The following GNA15 variants were observed in gnomAD, a reference collection of about 807,000 sequenced individuals.
GNA15 encodes the protein G protein subunit alpha 15.
GNA15 carries 23 observed loss-of-function variants against 40.1 expected under a neutral mutation model. That is an observed-to-expected ratio of 0.57 (90% CI 0.41 to 0.81). GNA15 has a LOEUF of 0.81. GNA15 is among the 40% of genes least tolerant of loss of function. The pLI, the probability that GNA15 is intolerant of heterozygous loss-of-function variation, is 0.00. For synonymous variants in GNA15, 226 were observed against 210.4 expected, an observed-to-expected ratio of 1.07 and a Z score of -0.64; for missense variants, 522 against 515.8, an observed-to-expected ratio of 1.01 and a Z score of -0.12.
chr19:3,144,742 A>G (rs566005424), intron 1 of GNA15, among the ~76,000 whole-genome samples: 1 of 150,482 alleles, frequency 6.6e-6, no homozygotes, highest in South Asian at 2.1e-4. Context: ...GTTAGCCAGG[A>G]TGGTCTCGAT....
At chr19:3,162,615 T>C (rs1915164041) in intron 6 of GNA15, among the ~76,000 whole-genome samples, 178 bp from the exon 7 acceptor site, 2 of 152,094 alleles carry the variant, frequency 1.3e-5, no homozygotes. Flanking sequence ...GTGTTCCCAT[T>C]GGCTGGGCCG....
intron 6 of GNA15, among the ~76,000 whole-genome samples, chr19:3,160,790 C>T (rs115064696): frequency 0.014 from 2,084 of 152,190 alleles, 56 homozygotes; most frequent in African/African-American, 0.047. Flanking sequence ...CTGGTGGTGG[C>T]CTACAATCCT....
chr19:3,148,511 G>C (rs1194707483), intron 1 of GNA15, 80 bp from the exon 2 acceptor site: 1 of 1,378,134 alleles, frequency 7.3e-7, no homozygotes, highest in Non-Finnish European at 9.8e-7. Context: ...CGTGGAGTTG[G>C]GGGTGTCTGA....
Position 3,150,219 on chromosome 19 carries a change from G to T in GNA15, c.419G>T (p.Arg140Met). The T allele has an allele frequency of 6.2e-7, 1 of 1,611,630 alleles. No individual in the cohort carries two copies. The change falls in exon 3 of 7, where the codon AGG (arginine) becomes ATG (methionine). Residue 140 changes from arginine to methionine, a missense_variant. Physicochemically the swap from Arg to Met is moderately conservative, Grantham distance 91 (BLOSUM62 -1). Coordinates refer to ENST00000262958, the MANE Select transcript of GNA15 (RefSeq NM_002068.4). Reference sequence around the variant, plus strand: ...GCTGCGGCCATGCAGTGGCTGTGGAGGGATGCCGGCATCCGGGCCTGCTAT... The same window carrying T: ...GCTGCGGCCATGCAGTGGCTGTGGATGGATGCCGGCATCCGGGCCTGCTAT... ...RYAAAMQWLW[R>M]DAGIRACYER...
chr19:3,143,021 C>G (rs1017647658), intron 1 of GNA15: 4 of 152,194 alleles, frequency 2.6e-5, no homozygotes, highest in Non-Finnish European at 5.9e-5. Context: ...CTCCCAGACT[C>G]TGTAAAAACA....
intron 5 of GNA15, among the ~76,000 whole-genome samples, chr19:3,157,264 G>A (rs941510715): frequency 6.6e-6 from 1 of 152,190 alleles, no homozygotes; most frequent in South Asian, 2.1e-4. Flanking sequence ...CTCCCAAAGT[G>A]CTAGGATTAC....
At chr19:3,138,036 G>C (rs1914492664) in intron 1 of GNA15, among the ~76,000 whole-genome samples, 1 of 152,102 alleles carries the variant, frequency 6.6e-6, no homozygotes, top group Non-Finnish European at 1.5e-5. Context: ...CGCCAAGGCG[G>C]GCAGATCACT....
At chr19:3,159,182 G>C (rs563715844) in intron 6 of GNA15, among the ~76,000 whole-genome samples, 1 of 146,916 alleles carries the variant, frequency 6.8e-6, no homozygotes, top group Non-Finnish European at 1.5e-5. Context: ...CCGCCAGAAC[G>C]TCTGGCTAGT....
At chr19:3,143,002 C>G (rs1914613287) in intron 1 of GNA15, 1 of 152,204 alleles carries the variant, frequency 6.6e-6, no homozygotes, top group Admixed American at 6.5e-5. Context: ...CCCCAAGGAG[C>G]TGTCGAGCCT....
At chr19:3,139,598 C>A (rs1186458057) in intron 1 of GNA15, among the ~76,000 whole-genome samples, 71 of 105,330 alleles carry the variant, frequency 6.7e-4, no homozygotes, top group East Asian at 1.3e-3. Flanking sequence ...GACTCTGTCT[C>A]AAAAAAAAAA....
chr19:3,136,661 G>C lies in GNA15; in HGVS notation c.145+66G>C, dbSNP rs751170883. ...GCGGTGGCCAGCCGGCAGGGGTGTCGGGGCAAGGAGGCGGATCAGGCTAGG... is the reference window on the plus strand; with the variant it reads ...GCGGTGGCCAGCCGGCAGGGGTGTCCGGGCAAGGAGGCGGATCAGGCTAGG... On this transcript the variant is annotated intron_variant, in intron 1 of 6. Transcript: ENST00000262958. This position sits in a 1 kb window ranked among gnomAD's most constrained non-coding sequence, Gnocchi z 4.9. The C allele has an allele frequency of 7.0e-7, 1 of 1,424,222 alleles. No individual in the cohort carries two copies. The highest frequency in any genetic ancestry group is 2.5e-5 in the East Asian group (1 of 39,516). 88.2% of individuals were successfully genotyped at this position (1,424,222 alleles called of 1,614,324 possible). A position where few individuals can be genotyped will look rare whatever the true frequency, so the allele number is the denominator to read the frequency against.
At chr19:3,150,697 G>A (rs185219499) in intron 3 of GNA15, among the ~76,000 whole-genome samples, 18 of 152,142 alleles carry the variant, frequency 1.2e-4, no homozygotes, top group African/African-American at 3.1e-4. Context: ...CTGTTCCTGC[G>A]AGGACCCTGT....
intron 5 of GNA15, among the ~76,000 whole-genome samples, chr19:3,157,294 C>T (rs1051089133): frequency 2.0e-5 from 3 of 152,210 alleles, no homozygotes; most frequent in African/African-American, 7.2e-5. Flanking sequence ...CTGCCGCGCC[C>T]GGCCAGGTCT....
intron 2 of GNA15, 87 bp from the exon 3 acceptor site, chr19:3,150,044 G>C (rs1475994613): frequency 7.0e-6 from 8 of 1,145,982 alleles, no homozygotes; most frequent in South Asian, 1.4e-5. Flanking sequence ...GTGTTTCAGG[G>C]AGGGACGTGG....
At chr19:3,143,760 C>A (rs113482633) in intron 1 of GNA15, among the ~76,000 whole-genome samples, 1 of 152,026 alleles carries the variant, frequency 6.6e-6, no homozygotes. Flanking sequence ...AGGAATTGTG[C>A]GACCCACAGC....
rs1444635971 is a variant in GNA15 at position 3,151,421 on chromosome 19, C to T, written c.486-286C>T. ...TACCAGCATTCTTGGGGTAGCGCCA[C>T]CCCTGCCATAGCAGCTCTCCCGGGG... On this transcript the variant is annotated intron_variant, in intron 3 of 6. Transcript: ENST00000262958. The surrounding 1 kb of genome is among the most constrained non-coding windows in gnomAD (Gnocchi z 5.0). Among the ~76,000 whole-genome samples the T allele has an allele frequency of 6.6e-6, 1 of 152,100 alleles. No homozygotes were observed. The highest frequency in any genetic ancestry group is 1.5e-5 in the Non-Finnish European group (1 of 67,994).
At chr19:3,162,285 C>T (rs1213010933) in intron 6 of GNA15, among the ~76,000 whole-genome samples, 1 of 151,486 alleles carries the variant, frequency 6.6e-6, no homozygotes, top group Non-Finnish European at 1.5e-5. Context: ...ACTAAAAATA[C>T]AAAAATTACC....
In GNA15 at chr19:3,148,775, G is replaced by T. The variant is rs1253541109; in HGVS notation, c.330G>T (p.Lys110Asn). 6.3e-7 allele frequency: 1 copy of T among 1,593,186 alleles called. No individual in the cohort carries two copies. The highest frequency in any genetic ancestry group is 8.5e-7 in the Non-Finnish European group (1 of 1,169,690). The change falls in exon 2 of 7, where the codon AAG (lysine) becomes AAT (asparagine). Residue 110 changes from lysine (K) to asparagine (N), a missense_variant and splice_region_variant. Coordinates refer to ENST00000262958, the MANE Select transcript of GNA15 (RefSeq NM_002068.4). ...LQIPFSRPESKHHASLVMSQD... is the reference protein window; with the variant it reads ...LQIPFSRPESNHHASLVMSQD... Reference sequence around the variant, plus strand: ...TTCCATTCAGCAGGCCCGAGAGCAAGGTGAGCCGCCAGGGCAGGCAGGGGC... The same window carrying T: ...TTCCATTCAGCAGGCCCGAGAGCAATGTGAGCCGCCAGGGCAGGCAGGGGC...
rs964752215 is a variant in GNA15, at chr19:3,136,299, A to G, written c.-152A>G. On this transcript the variant is annotated 5_prime_UTR_variant, in exon 1 of 7. Coordinates refer to ENST00000262958, the MANE Select transcript of GNA15 (RefSeq NM_002068.4). The surrounding 1 kb of genome is among the most constrained non-coding windows in gnomAD (Gnocchi z 4.9). ...CTGGGTGTTTCAGGCAAGGAAGTCT[A>G]GGTCCCTGGGGGGTGACCCCCAAGG... The G allele has an allele frequency of 4.5e-5, 32 of 715,036 alleles. No homozygotes were observed. The highest frequency in any genetic ancestry group is 9.0e-5 in the Admixed American group (3 of 33,284). The allele number at this position is 715,036 out of a possible 1,614,324, so 44.3% of individuals were successfully genotyped here. A position where few individuals can be genotyped will look rare whatever the true frequency, so the allele number is the denominator to read the frequency against.
Sources: gnomAD v4.1 joint callset for allele counts (sites outside exome capture counted in the v4.1 genomes callset) on GRCh38, gnomAD v4.1.1 for gene constraint, Gnocchi (gnomAD v3.1) non-coding constraint, MANE v1.5 for transcripts, NCBI Gene and HGNC (gene_info 2026-07-23, HGNC 2026-07-21) for gene names.